Variants in ABLIM3 observed in about 807,000 individuals in gnomAD.
ABLIM3 encodes actin binding LIM protein family member 3.
A neutral mutation model predicts 109.5 loss-of-function variants in ABLIM3; 61 were observed. That is an observed-to-expected ratio of 0.56 (90% CI 0.45 to 0.69). The LOEUF (loss-of-function observed/expected upper bound fraction) is 0.69. Among genes scored for constraint, ABLIM3 ranks in the 30% least tolerant of loss-of-function variants. The pLI, the probability that ABLIM3 is intolerant of heterozygous loss-of-function variation, is 0.00. For missense variants in ABLIM3, 796 were observed against 889.5 expected (o/e 0.89, Z 1.34); for synonymous variants, 300 against 324.8 (o/e 0.92, Z 0.82).
intron 3 of ABLIM3, among the ~76,000 whole-genome samples, chr5:149,190,545 T>C (rs1757389382): frequency 6.6e-6 from 1 of 152,040 alleles, no homozygotes; most frequent in South Asian, 2.1e-4. Flanking sequence ...CCGGGCATGG[T>C]GGTGCATGCC....
At chr5:149,244,584 G>C (rs1208230134) in intron 15 of ABLIM3, 1 of 402,758 alleles carries the variant, frequency 2.5e-6, no homozygotes, top group African/African-American at 2.0e-5. Context: ...GGAATCCATG[G>C]AATGTGCTGG....
intron 14 of ABLIM3, among the ~76,000 whole-genome samples, chr5:149,241,352 A>G (rs1329317220): frequency 2.0e-5 from 3 of 152,254 alleles, no homozygotes; most frequent in Non-Finnish European, 4.4e-5. Context: ...AGGTAGCCAT[A>G]GGTGCCATAA....
At chr5:149,251,473 T>C in intron 21 of ABLIM3, 54 bp downstream of exon 21, 1 of 1,590,772 alleles carries the variant, frequency 6.3e-7, no homozygotes, top group South Asian at 1.1e-5. Context: ...GATGTACCAC[T>C]CAAAACTGCA....
rs75091787 is a variant in ABLIM3 at position 149,207,653 on chromosome 5, G to C, written c.575+519G>C. Reference sequence around the variant, plus strand: ...CCCCACTGAATACTCAGACTTGAGAGAGTAAATAACTTGCTCCAGTAATAG... The same window carrying C: ...CCCCACTGAATACTCAGACTTGAGACAGTAAATAACTTGCTCCAGTAATAG... On this transcript the variant is annotated intron_variant, in intron 6 of 23. Transcript: ENST00000309868. Among the ~76,000 whole-genome samples, 227 of 152,332 alleles carry C rather than the reference G, an allele frequency of 1.5e-3. 5 individuals carry two copies. In the East Asian group the frequency reaches 0.042, roughly 28 times the overall value.
At chr5:149,203,203 A>T (rs897784664) in intron 5 of ABLIM3, among the ~76,000 whole-genome samples, 1 of 151,524 alleles carries the variant, frequency 6.6e-6, no homozygotes, top group Admixed American at 6.6e-5. Flanking sequence ...CTTCACCATC[A>T]CTACCATCAT....
intron 14 of ABLIM3, among the ~76,000 whole-genome samples, chr5:149,241,268 T>C (rs1055601361): frequency 1.3e-5 from 2 of 152,210 alleles, no homozygotes; most frequent in African/African-American, 4.8e-5. Flanking sequence ...CCTGCCTTCA[T>C]GGTATTTGGT....
At chr5:149,213,019 C>G (rs758414466) in intron 7 of ABLIM3, among the ~76,000 whole-genome samples, 1 of 152,034 alleles carries the variant, frequency 6.6e-6, no homozygotes, top group African/African-American at 2.4e-5. Context: ...CTAGCCATTC[C>G]GGAGGATCAC....
Position 149,242,534 on chromosome 5 carries a change from G to T in ABLIM3, c.1347G>T (p.Arg449=), listed in dbSNP as rs1752958828. 1.2e-6 allele frequency: 2 copies of T among 1,613,988 alleles called. No homozygotes were observed. Among genetic ancestry groups the T allele is most frequent in the African/African-American group, 2.7e-5 (2 of 74,912 alleles). ...ACCGGAAACCCCCGATCTACAAACG[G>T]CATGGTATGGTCAGAGGTAGATAGG... ...NIYRKPPIYK[R]HGDLSTATKS... is the part of the protein sequence containing the mutation. Residue 449 remains arginine, a synonymous_variant, in exon 15 of 24, where the codon CGG becomes CGT. Transcript: ENST00000309868.
chr5:149,237,500 A>C lies in ABLIM3; in HGVS notation c.941A>C (p.Lys314Thr). ...TACAAAGACCTGGCGGCTCTCCCCAAGGTTAAGTCTATCTACGAGGTACAA... is the reference window on the plus strand; with the variant it reads ...TACAAAGACCTGGCGGCTCTCCCCACGGTTAAGTCTATCTACGAGGTACAA... ...LNYKDLAALP[K>T]VKSIYEVQRP... Residue 314 changes from lysine (K) to threonine (T), a missense_variant, in exon 11 of 24, where the codon AAG (lysine) becomes ACG (threonine). Transcript: ENST00000309868. 1 of 1,614,190 alleles carries C rather than the reference A, an allele frequency of 6.2e-7. No homozygotes were observed. Among genetic ancestry groups the C allele is most frequent in the African/African-American group, 1.3e-5 (1 of 75,040 alleles).
At chr5:149,258,239 A>G in intron 23 of ABLIM3, 52 bp from the exon 24 acceptor site, 3 of 1,548,266 alleles carry the variant, frequency 1.9e-6, no homozygotes, top group Non-Finnish European at 2.7e-6. Context: ...TTGCATCCTC[A>G]TGCTGCTCTC....
At chr5:149,245,505 G>C (rs1753263448) in intron 16 of ABLIM3, among the ~76,000 whole-genome samples, 2 of 152,232 alleles carry the variant, frequency 1.3e-5, no homozygotes, top group Admixed American at 6.5e-5. Context: ...AAGCAGTAGA[G>C]GTGAGGGAGG....
Position 149,238,375 on chromosome 5 carries a change from C to A in ABLIM3, c.1044+772C>A, listed in dbSNP as rs147369702. 6.4e-3 allele frequency among the ~76,000 whole-genome samples: 969 copies of A among 152,280 alleles called. 5 individuals are homozygous for A. The highest frequency in any genetic ancestry group is 0.01 in the Non-Finnish European group (692 of 68,030). On this transcript the variant is annotated intron_variant, in intron 11 of 23. Coordinates refer to ENST00000309868, the MANE Select transcript of ABLIM3 (RefSeq NM_014945.5). Reference sequence around the variant, plus strand: ...AGCTCCACCATAACTAGCCTCATAACCTCAGGCAAGTTCCCTTCCTCCCTA... The same window carrying A: ...AGCTCCACCATAACTAGCCTCATAAACTCAGGCAAGTTCCCTTCCTCCCTA...
In ABLIM3 at chr5:149,244,933, C is replaced by T; in HGVS notation, c.1404C>T (p.Thr468=). The T allele has an allele frequency of 6.2e-7, 1 of 1,614,174 alleles. No individual in the cohort carries two copies. The highest frequency in any genetic ancestry group is 2.2e-5 in the East Asian group (1 of 44,878). ...KSKTSEDISQ[T]SKYSPIYSPD... is the part of the protein sequence containing the mutation. ...AAACAAGTGAAGACATCAGCCAGAC[C>T]TCCAAGTACAGTCCCATCTACTCGC... Residue 468 remains threonine, a synonymous_variant, in exon 16 of 24, where the codon ACC becomes ACT. Coordinates refer to ENST00000309868, the MANE Select transcript of ABLIM3 (RefSeq NM_014945.5).
At chr5:149,214,859 G>T (rs1759898183) in intron 7 of ABLIM3, among the ~76,000 whole-genome samples, 1 of 152,098 alleles carries the variant, frequency 6.6e-6, no homozygotes, top group African/African-American at 2.4e-5. Flanking sequence ...CTACATTTTT[G>T]AACCTGGTTT....
At position 149,187,759 on chromosome 5, in the gene ABLIM3, C is replaced by A. The variant is rs552828995; in HGVS notation, c.151+4170C>A. On this transcript the variant is annotated intron_variant, in intron 3 of 23. Transcript: ENST00000309868. ...TGACTCATTCTGATCACATGCTCCACCCTAACTCATTCAGATTACCTGCTA... is the reference window on the plus strand; with the variant it reads ...TGACTCATTCTGATCACATGCTCCAACCTAACTCATTCAGATTACCTGCTA... Among the ~76,000 whole-genome samples the A allele has an allele frequency of 5.3e-5, 8 of 152,308 alleles. No homozygotes were observed. The East Asian group carries it at 1.5e-3, about 29-fold the overall frequency.
intron 2 of ABLIM3, 67 bp from the exon 3 acceptor site, chr5:149,183,385 A>G (rs1340284480): frequency 6.0e-5 from 86 of 1,436,880 alleles, no homozygotes; most frequent in Non-Finnish European, 7.9e-5. Flanking sequence ...AATTATGATA[A>G]TGTCTTGCAG....
chr5:149,213,850 C>T (rs1759798086), intron 7 of ABLIM3, among the ~76,000 whole-genome samples: 1 of 151,768 alleles, frequency 6.6e-6, no homozygotes, highest in East Asian at 1.9e-4. Context: ...AGACTTTTAG[C>T]AATCAACTAG....
intron 3 of ABLIM3, among the ~76,000 whole-genome samples, chr5:149,183,840 C>T (rs963808453): frequency 6.6e-6 from 1 of 152,174 alleles, no homozygotes; most frequent in African/African-American, 2.4e-5. Flanking sequence ...AAAGACTAAT[C>T]TGCAAGTTTA....
chr5:149,236,809 C>T (rs1752244440), intron 10 of ABLIM3, among the ~76,000 whole-genome samples: 1 of 152,118 alleles, frequency 6.6e-6, no homozygotes, highest in African/African-American at 2.4e-5. Flanking sequence ...TTTTTCTGTG[C>T]CTCTGGTTCC....
Sources: gnomAD v4.1 joint callset for allele counts (sites outside exome capture counted in the v4.1 genomes callset) on GRCh38, gnomAD v4.1.1 for gene constraint, MANE v1.5 for transcripts, NCBI Gene and HGNC (gene_info 2026-07-23, HGNC 2026-07-21) for gene names.